Variants in NCAN observed in about 807,000 individuals in gnomAD.
NCAN encodes the protein neurocan, also known as neurocan core protein.
A neutral mutation model predicts 121.8 loss-of-function variants in NCAN; 47 were observed. That is an observed-to-expected ratio of 0.39 (90% CI 0.31 to 0.49). The LOEUF (loss-of-function observed/expected upper bound fraction) is 0.49, where lower values mean the gene tolerates loss of function less well. Ranked by LOEUF, NCAN falls within the 20% of genes least tolerant of loss-of-function variation. The probability of loss-of-function intolerance (pLI) is 0.92; values close to 1 mark genes in which losing one functional copy is unlikely to be tolerated. For synonymous variants in NCAN, 633 were observed against 702.0 expected (o/e 0.90, Z 1.55); for missense variants, 1,517 against 1,773.4 (o/e 0.86, Z 2.60).
rs1827968839 is a variant in NCAN, at chr19:19,223,121, A to G, written c.476-900A>G. ...AGATTCTGTCTCAAAAAATAAATAA[A>G]ATAAAATAAATAAAATAAAAAATAA... On this transcript the variant is annotated intron_variant, in intron 3 of 14. Transcript: ENST00000252575. 2.0e-5 allele frequency among the ~76,000 whole-genome samples: 3 copies of G among 148,886 alleles called. No homozygotes were observed. In the South Asian group the frequency reaches 6.4e-4, roughly 32 times the overall value.
chr19:19,243,011 A>AAAAAT (rs1176867196), intron 12 of NCAN, among the ~76,000 whole-genome samples: 10 of 151,672 alleles, frequency 6.6e-5, no homozygotes, highest in South Asian at 4.2e-4. Flanking sequence ...ACTCCGGCTC[A>AAAAAT]AAAATAAAAT....
At chr19:19,244,728 CTTTT>C (rs201995446) in intron 12 of NCAN, among the ~76,000 whole-genome samples, 28 of 136,468 alleles carry the variant, frequency 2.1e-4, no homozygotes, top group African/African-American at 4.3e-4. Flanking sequence ...TTTTCTTTTC[CTTTT>C]TTTTTTTTTT....
rs200560321 is a variant in NCAN at position 19,239,983 on chromosome 19, C to T, written c.3410-620C>T. 7.1e-5 allele frequency among the ~76,000 whole-genome samples: 10 copies of T among 140,850 alleles called. No homozygotes were observed. The East Asian group carries it at 1.8e-3, about 25-fold the overall frequency. The allele number at this position is 140,850 out of a possible 152,430, so 92.4% of individuals were successfully genotyped here. On this transcript the variant is annotated intron_variant, in intron 11 of 14. Transcript: ENST00000252575. ...CTCATCTTCCTCCTCCTTTCTCTTC[C>T]CCATCCTCCCTCCCACTCCTCCCCC...
intron 8 of NCAN, among the ~76,000 whole-genome samples, chr19:19,229,397 G>C (rs1372399404): frequency 2.0e-5 from 3 of 152,182 alleles, no homozygotes; most frequent in African/African-American, 7.2e-5. Flanking sequence ...GGCGAGACCA[G>C]AGGGAGGAGG....
intron 2 of NCAN, among the ~76,000 whole-genome samples, chr19:19,218,294 A>T (rs1427477890): frequency 6.6e-6 from 1 of 151,470 alleles, no homozygotes; most frequent in Non-Finnish European, 1.5e-5. Context: ...ATAAATAAAT[A>T]AAAGAATAAT....
At position 19,225,838 on chromosome 19, in the gene NCAN, G is replaced by A. The variant is rs555512939; in HGVS notation, c.1072+568G>A. Among the ~76,000 whole-genome samples, 153 of 152,342 alleles carry A rather than the reference G, an allele frequency of 1.0e-3. No individual in the cohort carries two copies. Among genetic ancestry groups the A allele is most frequent in the African/African-American group, 3.4e-3 (140 of 41,580 alleles). ...CACCACCTGTACCAGGGGAGGATCC[G>A]TCACCAAGGTTGAGTTGAACCCCTC... On this transcript the variant is annotated intron_variant, in intron 6 of 14. Coordinates refer to ENST00000252575, the MANE Select transcript of NCAN (RefSeq NM_004386.3). This position sits in a 1 kb window ranked among gnomAD's most constrained non-coding sequence, Gnocchi z 4.0.
Position 19,226,510 on chromosome 19 carries a change from G to A in NCAN, c.1097G>A (p.Gly366Glu). The change falls in exon 7 of 15, where the codon GGA becomes GAA. Residue 366 changes from glycine to glutamate, a missense_variant. Transcript: ENST00000252575. Reference sequence around the variant, plus strand: ...GCTCATCACCCCACGTCACAACATGGAGACCTAGAGACCCCATCCTCTGGG... The same window carrying A: ...GCTCATCACCCCACGTCACAACATGAAGACCTAGAGACCCCATCCTCTGGG... ...FRAHHPTSQH[G>E]DLETPSSGDE... 6.3e-7 allele frequency: 1 copy of A among 1,596,284 alleles called. No homozygotes were observed. Among genetic ancestry groups the A allele is most frequent in the Non-Finnish European group, 8.6e-7 (1 of 1,167,708 alleles).
Position 19,228,483 on chromosome 19 carries a change from C to A in NCAN, c.2863C>A (p.Pro955Thr), listed in dbSNP as rs202065126. Residue 955 changes from proline to threonine, a missense_variant, in exon 8 of 15, where the codon CCC becomes ACC. Pro to Thr is a conservative substitution (Grantham distance 38). Transcript: ENST00000252575. ...AGGGGAGCCTACGGTACCGTGGGAC[C>A]CCTCCAGCACCCTGCTGCCTGTCAC... ...SSGEPTVPWD[P>T]SSTLLPVTLG... 1 of 1,613,542 alleles carries A rather than the reference C, an allele frequency of 6.2e-7. No individual in the cohort carries two copies. Among genetic ancestry groups the A allele is most frequent in the African/African-American group, 1.3e-5 (1 of 75,042 alleles).
chr19:19,223,962 T>A, intron 3 of NCAN, 59 bp from the exon 4 acceptor site: 1 of 1,458,162 alleles, frequency 6.9e-7, no homozygotes, highest in South Asian at 1.5e-5. Flanking sequence ...GAGGTAGGTC[T>A]GTTCTTGAAG....
intron 13 of NCAN, among the ~76,000 whole-genome samples, chr19:19,247,230 G>A (rs1203710832): frequency 6.6e-6 from 1 of 151,802 alleles, no homozygotes; most frequent in Non-Finnish European, 1.5e-5. Context: ...GACTACGGGT[G>A]CACACCACCA....
chr19:19,216,730 C>T (rs1371140784), intron 1 of NCAN, among the ~76,000 whole-genome samples: 2 of 152,256 alleles, frequency 1.3e-5, no homozygotes, highest in Non-Finnish European at 2.9e-5. Context: ...GCGTGAGCCA[C>T]CGCGTCCAGC....
At chr19:19,223,859 G>A (rs1350310450) in intron 3 of NCAN, among the ~76,000 whole-genome samples, 162 bp from the exon 4 acceptor site, 1 of 152,084 alleles carries the variant, frequency 6.6e-6, no homozygotes, top group Admixed American at 6.5e-5. Flanking sequence ...CTGTAAAATG[G>A]GGGCATATGG....
chr19:19,247,451 C>T (rs1439457560), intron 13 of NCAN, among the ~76,000 whole-genome samples: 4 of 152,144 alleles, frequency 2.6e-5, no homozygotes, highest in African/African-American at 9.7e-5. Flanking sequence ...GACGATGTTT[C>T]ACCGTGTTAG....
At chr19:19,234,179 CT>C (rs1407531421) in intron 9 of NCAN, among the ~76,000 whole-genome samples, 2 of 152,144 alleles carry the variant, frequency 1.3e-5, no homozygotes, top group East Asian at 1.9e-4. Context: ...TCTGAGACTC[CT>C]CCCTGCAAAG....
At chr19:19,249,665 C>A (rs1177922805) in intron 14 of NCAN, 101 bp from the exon 15 acceptor site, 8 of 1,498,060 alleles carry the variant, frequency 5.3e-6, no homozygotes, top group Non-Finnish European at 4.5e-6. Context: ...TCGCGTCTGG[C>A]CTCTTTCCTC....
At chr19:19,218,699 T>C (rs2146536888) in intron 2 of NCAN, among the ~76,000 whole-genome samples, 1 of 152,298 alleles carries the variant, frequency 6.6e-6, no homozygotes, top group South Asian at 2.1e-4. Context: ...TTCAAATTCC[T>C]GACCTCAGGT....
rs553703124 is a variant in NCAN at position 19,231,769 on chromosome 19, C to T, written c.3020-2020C>T. Among the ~76,000 whole-genome samples, 134 of 152,112 alleles carry T rather than the reference C, an allele frequency of 8.8e-4. 1 individual carries two copies. Among genetic ancestry groups the T allele is most frequent in the African/African-American group, 3.0e-3 (124 of 41,512 alleles). On this transcript the variant is annotated intron_variant, in intron 8 of 14. Coordinates refer to ENST00000252575, the MANE Select transcript of NCAN (RefSeq NM_004386.3). ...GCTGAGACGGAGGATCACTTGAGCC[C>T]AGGAATTGGAGACCAGCCTTGGCAA...
Position 19,228,121 on chromosome 19 carries a change from C to A in NCAN, c.2501C>A (p.Thr834Lys), listed in dbSNP as rs201846254. Residue 834 changes from threonine (T) to lysine (K), a missense_variant, in exon 8 of 15, where the codon ACG becomes AAG. Coordinates refer to ENST00000252575, the MANE Select transcript of NCAN (RefSeq NM_004386.3). ...GTGAATCCCATGGATTCCACAGTCA[C>A]GCCGGCCCCCAGTGATGCTAGTGGA... ...PTVNPMDSTV[T>K]PAPSDASGIW... 1 of 1,613,684 alleles carries A rather than the reference C, an allele frequency of 6.2e-7. No individual in the cohort carries two copies. The highest frequency in any genetic ancestry group is 2.2e-5 in the East Asian group (1 of 44,880).
chr19:19,228,079 C>T lies in NCAN; in HGVS notation c.2459C>T (p.Thr820Ile), dbSNP rs1416429448. 6.2e-7 allele frequency: 1 copy of T among 1,613,560 alleles called. No homozygotes were observed. The highest frequency in any genetic ancestry group is 1.1e-5 in the South Asian group (1 of 91,086). The change falls in exon 8 of 15, where the codon ACA becomes ATA. Residue 820 changes from threonine (T) to isoleucine (I), a missense_variant. By Grantham distance (89) the Thr-to-Ile change is moderately conservative. Coordinates refer to ENST00000252575, the MANE Select transcript of NCAN (RefSeq NM_004386.3). ...CCAAATTTGGAGCCTTGGGTTGCTA[C>T]AGATGAAGGACCCACTGTGAATCCC... ...VTPNLEPWVATDEGPTVNPMD... is the reference protein window; with the variant it reads ...VTPNLEPWVAIDEGPTVNPMD...
Sources: allele counts gnomAD v4.1 joint callset (sites outside exome capture counted in the v4.1 genomes callset), GRCh38; gene constraint gnomAD v4.1.1; non-coding constraint Gnocchi (gnomAD v3.1); transcripts MANE v1.5; gene names NCBI Gene and HGNC (gene_info 2026-07-23, HGNC 2026-07-21).